DCTN6: variants seen among roughly 807,000 people sequenced by gnomAD.
DCTN6 encodes dynactin 6.
DCTN6 carries 15 observed loss-of-function variants against 25.8 expected under a neutral mutation model. The ratio of observed to expected loss-of-function variants is 0.58; its 90% confidence interval spans 0.39 to 0.89. The LOEUF is 0.89. Among genes scored for constraint, DCTN6 ranks in the 40% least tolerant of loss-of-function variants. The pLI is 0.00. For missense variants in DCTN6, 198 were observed against 237.6 expected, an observed-to-expected ratio of 0.83 and a Z score of 1.09; for synonymous variants, 64 against 78.3, an observed-to-expected ratio of 0.82 and a Z score of 0.96.
intron 1 of DCTN6, among the ~76,000 whole-genome samples, chr8:30,161,546 C>T (rs1428723854): frequency 2.0e-5 from 3 of 152,112 alleles, no homozygotes; most frequent in African/African-American, 7.2e-5. Context: ...TCATGGTGTA[C>T]AAGCTTATTC....
At chr8:30,165,434 T>C (rs1329771911) in intron 2 of DCTN6, among the ~76,000 whole-genome samples, 1 of 150,794 alleles carries the variant, frequency 6.6e-6, no homozygotes, top group Admixed American at 6.6e-5. Context: ...ATGAACAGTT[T>C]CTTTAATGAA....
At chr8:30,169,581 C>T (rs1408636113) in intron 2 of DCTN6, among the ~76,000 whole-genome samples, 1 of 152,202 alleles carries the variant, frequency 6.6e-6, no homozygotes, top group Non-Finnish European at 1.5e-5. Flanking sequence ...CCAGAAGGAG[C>T]GCCAGGGTTC....
chr8:30,162,275 C>T (rs368227881), intron 1 of DCTN6, among the ~76,000 whole-genome samples: 3 of 151,800 alleles, frequency 2.0e-5, no homozygotes, highest in Admixed American at 6.6e-5. Flanking sequence ...TTAGTAGAGA[C>T]GGGGTTTTGC....
At chr8:30,166,685 G>C (rs1240115589) in intron 2 of DCTN6, among the ~76,000 whole-genome samples, 3 of 152,044 alleles carry the variant, frequency 2.0e-5, no homozygotes, top group African/African-American at 7.2e-5. Flanking sequence ...TGAGTTTTAG[G>C]GGTATCAGGG....
intron 1 of DCTN6, among the ~76,000 whole-genome samples, chr8:30,159,763 C>CTT (rs35699156): frequency 1.5e-5 from 2 of 129,678 alleles, no homozygotes; most frequent in Non-Finnish European, 3.3e-5. Context: ...GATTAGTTTT[C>CTT]TTTTTTTTTT....
Position 30,175,189 on chromosome 8 carries a change from G to T in DCTN6, c.193G>T (p.Ala65Ser), listed in dbSNP as rs1015044406. The change falls in exon 3 of 7, where the codon GCT (alanine) becomes TCT (serine). Residue 65 changes from alanine to serine, a missense_variant and splice_region_variant. By Grantham distance (99) the Ala-to-Ser change is moderately conservative. Transcript: ENST00000221114. Reference protein sequence around the residue: ...LIEEQALIINAYPDNITPDTE... With the variant: ...LIEEQALIINSYPDNITPDTE... ...AGAAGAACAGGCCCTTATCATAAAT[G>T]CGTAAGACTCTTATACATACTGTGA... is the stretch of plus-strand genomic sequence containing the variant. 1.2e-6 allele frequency: 2 copies of T among 1,612,918 alleles called. No individual in the cohort carries two copies. The highest frequency in any genetic ancestry group is 1.7e-6 in the Non-Finnish European group (2 of 1,179,096).
At chr8:30,157,341 A>T (rs935028491) in intron 1 of DCTN6, among the ~76,000 whole-genome samples, 1 of 152,300 alleles carries the variant, frequency 6.6e-6, no homozygotes, top group Non-Finnish European at 1.5e-5. Flanking sequence ...TCATCCGTTG[A>T]TGAACACTTA....
At chr8:30,175,517 A>G (rs983974226) in intron 3 of DCTN6, among the ~76,000 whole-genome samples, 1 of 146,488 alleles carries the variant, frequency 6.8e-6, no homozygotes, top group Middle Eastern at 3.6e-3. Flanking sequence ...TGTGCCCACC[A>G]CCCTGCAGAG....
At chr8:30,165,113 T>G (rs1423669905) in intron 2 of DCTN6, among the ~76,000 whole-genome samples, 1 of 152,186 alleles carries the variant, frequency 6.6e-6, no homozygotes, top group Non-Finnish European at 1.5e-5. Context: ...CCTCCTAGGT[T>G]TCTTGAAAGA....
At chr8:30,182,936 A>ACTCCTGAGCTCAAATCATC (rs1308584436) in intron 6 of DCTN6, 139 bp from the exon 7 acceptor site, 5 of 660,158 alleles carry the variant, frequency 7.6e-6, no homozygotes, top group Non-Finnish European at 1.3e-5. Context: ...CTGTTCTGGA[A>ACTCCTGAGCTCAAATCATC]CTCCTGAGCT....
At chr8:30,158,701 C>CTT (rs5890500) in intron 1 of DCTN6, among the ~76,000 whole-genome samples, 2,603 of 98,990 alleles carry the variant, frequency 0.026, 123 homozygotes, top group Admixed American at 0.073. Flanking sequence ...AGTAGATTGA[C>CTT]TTTTTTTTTT....
At chr8:30,161,228 G>A (rs1180144944) in intron 1 of DCTN6, among the ~76,000 whole-genome samples, 5 of 152,032 alleles carry the variant, frequency 3.3e-5, no homozygotes, top group African/African-American at 4.8e-5. Context: ...TTTACCTTCC[G>A]CCATGATTGT....
At chr8:30,162,900 A>C (rs1237041570) in intron 1 of DCTN6, among the ~76,000 whole-genome samples, 1 of 152,060 alleles carries the variant, frequency 6.6e-6, no homozygotes. Flanking sequence ...TTTTCTTCCT[A>C]CCTTTACAAA....
chr8:30,182,877 G>A (rs756993241), intron 6 of DCTN6, among the ~76,000 whole-genome samples, 198 bp from the exon 7 acceptor site: 14 of 151,954 alleles, frequency 9.2e-5, no homozygotes, highest in Non-Finnish European at 1.2e-4. Context: ...ACCACACACA[G>A]CTAATTTTTA....
At chr8:30,165,796 G>C (rs1039624221) in intron 2 of DCTN6, 1 of 152,382 alleles carries the variant, frequency 6.6e-6, no homozygotes, top group African/African-American at 2.4e-5. Context: ...GGGAGGCAGA[G>C]GTTGCGGTGA....
intron 1 of DCTN6, among the ~76,000 whole-genome samples, chr8:30,159,373 A>T (rs970767835): frequency 6.6e-6 from 1 of 151,878 alleles, no homozygotes; most frequent in African/African-American, 2.4e-5. Context: ...AGTTCATCAC[A>T]CCAGTAGGGA....
chr8:30,171,363 C>T (rs981190673), intron 2 of DCTN6, among the ~76,000 whole-genome samples: 3 of 152,104 alleles, frequency 2.0e-5, no homozygotes, highest in African/African-American at 7.2e-5. Context: ...AATCCTCCCA[C>T]CTCAGCCTCC....
Position 30,178,470 on chromosome 8 carries a change from TAA to T in DCTN6, c.284-919_284-918del, listed in dbSNP as rs201060800. 7.3e-3 allele frequency among the ~76,000 whole-genome samples: 582 copies of T among 79,788 alleles called. 3 individuals carry two copies. Among genetic ancestry groups the T allele is most frequent in the African/African-American group, 0.025 (526 of 21,228 alleles). 52.3% of individuals were successfully genotyped at this position (79,788 alleles called of 152,430 possible). A position where few individuals can be genotyped will look rare whatever the true frequency, so the allele number is the denominator to read the frequency against. On this transcript the variant is annotated intron_variant, in intron 4 of 6. Transcript: ENST00000221114. ...GAGCGAAACTCCGTCTCAAAAAGATTAAAAAAAAAAAAAAAAAAAAGATAGTA... is the reference window on the plus strand; with the variant it reads ...GAGCGAAACTCCGTCTCAAAAAGATTAAAAAAAAAAAAAAAAAAGATAGTA...
At chr8:30,171,192 T>G (rs1174799424) in intron 2 of DCTN6, among the ~76,000 whole-genome samples, 1 of 152,106 alleles carries the variant, frequency 6.6e-6, no homozygotes, top group Non-Finnish European at 1.5e-5. Context: ...TGGCTACTTA[T>G]CTAGCAGTGG....
Sources: allele counts gnomAD v4.1 joint callset (sites outside exome capture counted in the v4.1 genomes callset), GRCh38; gene constraint gnomAD v4.1.1; transcripts MANE v1.5; gene names NCBI Gene and HGNC (gene_info 2026-07-23, HGNC 2026-07-21).